The following GPC5 variants were observed in gnomAD, a reference collection of about 807,000 sequenced individuals.
GPC5 encodes the protein glypican-5.
In GPC5, 47 loss-of-function variants were observed where a neutral mutation model predicts 53.9. The observed-to-expected ratio is 0.87, with a 90% CI of 0.69 to 1.11. The LOEUF is 1.11. GPC5 is among the 50% of genes most tolerant of loss of function. The probability of loss-of-function intolerance (pLI) is 0.00; values close to 1 mark genes in which losing one functional copy is unlikely to be tolerated. For missense variants in GPC5, 748 were observed against 713.1 expected, an observed-to-expected ratio of 1.05 and a Z score of -0.56; for synonymous variants, 286 against 263.3, an observed-to-expected ratio of 1.09 and a Z score of -0.84.
rs115749541 is a variant in GPC5, at chr13:92,656,776, A to G, written c.1562-209506A>G. On this transcript the variant is annotated intron_variant, in intron 7 of 7. Transcript: ENST00000377067. ...CGAGACCAACCTGGGCAATATAGTGAACCCCATTTCTACAAAAGCAAACAA... is the reference window on the plus strand; with the variant it reads ...CGAGACCAACCTGGGCAATATAGTGGACCCCATTTCTACAAAAGCAAACAA... 6.6e-4 allele frequency among the ~76,000 whole-genome samples: 101 copies of G among 152,300 alleles called. 1 individual carries two copies. The highest frequency in any genetic ancestry group is 2.1e-3 in the African/African-American group (89 of 41,554).
intron 2 of GPC5, among the ~76,000 whole-genome samples, chr13:91,556,978 A>C (rs1053925097): frequency 6.6e-6 from 1 of 152,096 alleles, no homozygotes; most frequent in Non-Finnish European, 1.5e-5. Context: ...GAAATAAAAA[A>C]TAACAACAAC....
intron 7 of GPC5, among the ~76,000 whole-genome samples, chr13:92,357,329 A>G (rs1375228387): frequency 1.3e-5 from 2 of 151,798 alleles, no homozygotes; most frequent in African/African-American, 2.4e-5. Context: ...TCACACTCCC[A>G]CCAACAGAGT....
At chr13:92,323,175 T>A (rs1431396231) in intron 7 of GPC5, among the ~76,000 whole-genome samples, 1 of 151,488 alleles carries the variant, frequency 6.6e-6, no homozygotes, top group Non-Finnish European at 1.5e-5. Context: ...TCAACTTCAT[T>A]AATTACTATT....
intron 7 of GPC5, among the ~76,000 whole-genome samples, chr13:92,285,909 G>C (rs1360855505): frequency 2.7e-5 from 4 of 149,058 alleles, no homozygotes; most frequent in African/African-American, 1.0e-4. Flanking sequence ...TTAAACTAAA[G>C]AGCTTCTGCA....
At chr13:91,591,426 A>C (rs2139166676) in intron 2 of GPC5, among the ~76,000 whole-genome samples, 1 of 152,164 alleles carries the variant, frequency 6.6e-6, no homozygotes, top group South Asian at 2.1e-4. Flanking sequence ...GGGAGTGGTC[A>C]TCTTGTGTAG....
chr13:92,492,110 T>C (rs1333221231), intron 7 of GPC5, among the ~76,000 whole-genome samples: 1 of 152,120 alleles, frequency 6.6e-6, no homozygotes, highest in Non-Finnish European at 1.5e-5. Context: ...TGTGCAACAA[T>C]ACATATAGAA....
At chr13:92,174,194 T>C (rs2042091233) in intron 7 of GPC5, among the ~76,000 whole-genome samples, 1 of 152,178 alleles carries the variant, frequency 6.6e-6, no homozygotes, top group South Asian at 2.1e-4. Context: ...TATGTGTCTA[T>C]GTATATTTAT....
intron 7 of GPC5, among the ~76,000 whole-genome samples, chr13:92,313,077 A>G (rs1213684604): frequency 2.0e-5 from 3 of 152,114 alleles, no homozygotes; most frequent in African/African-American, 7.2e-5. Flanking sequence ...TGTTCATATA[A>G]AGAGTGAGTT....
chr13:91,544,641 T>C (rs1400936111), intron 2 of GPC5, among the ~76,000 whole-genome samples: 1 of 152,216 alleles, frequency 6.6e-6, no homozygotes, highest in Admixed American at 6.5e-5. Flanking sequence ...AAGAGTTATA[T>C]CTTTCATTTT....
intron 1 of GPC5, among the ~76,000 whole-genome samples, chr13:91,420,518 A>T (rs117704450): frequency 6.6e-6 from 1 of 152,094 alleles, no homozygotes; most frequent in East Asian, 1.9e-4. Context: ...CTTAACTACC[A>T]TTACTTTTTC....
At chr13:91,539,399 C>G (rs779707282) in intron 2 of GPC5, among the ~76,000 whole-genome samples, 12 of 152,130 alleles carry the variant, frequency 7.9e-5, no homozygotes, top group Admixed American at 1.3e-4. Context: ...TTTTCTACCT[C>G]TCAATGAAAC....
chr13:92,768,019 TA>T (rs1875470702), intron 7 of GPC5, among the ~76,000 whole-genome samples: 1 of 152,216 alleles, frequency 6.6e-6, no homozygotes, highest in African/African-American at 2.4e-5. Context: ...GTCCACAGTG[TA>T]AAAACCTAAG....
chr13:92,766,728 T>TAG (rs753235922), intron 7 of GPC5, among the ~76,000 whole-genome samples: 7 of 151,806 alleles, frequency 4.6e-5, no homozygotes, highest in African/African-American at 9.7e-5. Context: ...TAAGTCAAAA[T>TAG]AGAGAGAGAG....
intron 7 of GPC5, among the ~76,000 whole-genome samples, chr13:92,633,462 T>C (rs1377184979): frequency 1.3e-5 from 2 of 152,138 alleles, no homozygotes; most frequent in African/African-American, 2.4e-5. Flanking sequence ...AAATATTTAG[T>C]TTTTTGCACA....
chr13:92,807,448 G>T (rs1306429606), intron 7 of GPC5, among the ~76,000 whole-genome samples: 1 of 152,062 alleles, frequency 6.6e-6, no homozygotes, highest in Admixed American at 6.6e-5. Context: ...CAAGATCAGA[G>T]TCAGCTTTCA....
chr13:92,124,958 A>G (rs895607432), intron 6 of GPC5, among the ~76,000 whole-genome samples: 1 of 152,014 alleles, frequency 6.6e-6, no homozygotes, highest in African/African-American at 2.4e-5. Context: ...CTGCTAAGAG[A>G]CAGAATTCAA....
chr13:92,563,599 GA>G (rs1215348866), intron 7 of GPC5, among the ~76,000 whole-genome samples: 3 of 151,894 alleles, frequency 2.0e-5, no homozygotes, highest in Non-Finnish European at 2.9e-5. Flanking sequence ...AACAAATATA[GA>G]AAAAACTAAC....
chr13:91,846,572 TA>T (rs1194838305), intron 5 of GPC5, among the ~76,000 whole-genome samples: 1 of 152,050 alleles, frequency 6.6e-6, no homozygotes, highest in Admixed American at 6.6e-5. Flanking sequence ...CCGAGAGAAG[TA>T]AGTACTAGTA....
chr13:92,087,970 A>G (rs1385109973), intron 6 of GPC5, among the ~76,000 whole-genome samples: 1 of 151,118 alleles, frequency 6.6e-6, no homozygotes, highest in Non-Finnish European at 1.5e-5. Flanking sequence ...GGGTCTCGCT[A>G]CATTGACCAG....
Sources: gnomAD v4.1 joint callset for allele counts (sites outside exome capture counted in the v4.1 genomes callset) on GRCh38, gnomAD v4.1.1 for gene constraint, MANE v1.5 for transcripts, NCBI Gene and HGNC (gene_info 2026-07-23, HGNC 2026-07-21) for gene names.